The following POGZ variants were observed in gnomAD, a reference collection of about 807,000 sequenced individuals.
POGZ encodes pogo transposable element with ZNF domain.
Under a neutral mutation model 134.6 loss-of-function variants are expected in POGZ, and 17 were observed. That is an observed-to-expected ratio of 0.13 (90% CI 0.09 to 0.19). The LOEUF is 0.19. Ranked by LOEUF, POGZ falls within the 10% of genes least tolerant of loss-of-function variation. POGZ has a pLI of 1.00. For missense variants in POGZ, 1,306 were observed against 1,769.7 expected, an observed-to-expected ratio of 0.74 and a Z score of 4.70; for synonymous variants, 693 against 657.1, an observed-to-expected ratio of 1.05 and a Z score of -0.84.
chr1:151,406,084 G>C lies in POGZ; in HGVS notation c.2951C>G (p.Ala984Gly). The C allele has an allele frequency of 6.2e-7, 1 of 1,614,222 alleles. No individual in the cohort carries two copies. Among genetic ancestry groups the C allele is most frequent in the Non-Finnish European group, 8.5e-7 (1 of 1,180,022 alleles). The change falls in exon 19 of 19, where the codon GCT becomes GGT. Residue 984 changes from alanine (A) to glycine (G), a missense_variant. This residue lies in a region of POGZ where 214 missense variants were observed against 255.5 expected (regional missense o/e 0.84). Coordinates refer to ENST00000271715, the MANE Select transcript of POGZ (RefSeq NM_015100.4). Reference protein sequence around the residue: ...SVKKLRVVLFALCCNTEQAAE... With the variant: ...SVKKLRVVLFGLCCNTEQAAE... Reference sequence around the variant, plus strand: ...TGCCTGTTCTGTATTGCAGCATAGAGCAAACAGTACTACTCGAAGCTTCTT... The same window carrying C: ...TGCCTGTTCTGTATTGCAGCATAGACCAAACAGTACTACTCGAAGCTTCTT...
At position 151,403,124 on chromosome 1, in the gene POGZ, T is replaced by C; in HGVS notation, c.*1678A>G. The C allele has an allele frequency of 5.8e-6, 4 of 695,478 alleles. No homozygotes were observed. The highest frequency in any genetic ancestry group is 7.1e-6 in the Non-Finnish European group (4 of 565,122). 43.1% of individuals were successfully genotyped at this position (695,478 alleles called of 1,614,324 possible). ...ATGGATCCTTGGTTGTTTTCAGATGTCAAAGGTTCACAAAGCTGGCCAAGC... is the reference window on the plus strand; with the variant it reads ...ATGGATCCTTGGTTGTTTTCAGATGCCAAAGGTTCACAAAGCTGGCCAAGC... On this transcript the variant is annotated 3_prime_UTR_variant, in exon 19 of 19. Coordinates refer to ENST00000271715, the MANE Select transcript of POGZ (RefSeq NM_015100.4).
In POGZ at chr1:151,453,245, A is replaced by C. The variant is rs576159491; in HGVS notation, c.-2+5907T>G. The stretch of plus-strand genomic sequence containing the variant: ...TCTTTCTCCCTTTTCGCATGCGTGA[A>C]ATTTTCTTAATAAAAACTGAGGTGG... On this transcript the variant is annotated intron_variant, in intron 1 of 18. Coordinates refer to ENST00000271715, the MANE Select transcript of POGZ (RefSeq NM_015100.4). 1.8e-4 allele frequency among the ~76,000 whole-genome samples: 28 copies of C among 151,896 alleles called. 2 individuals carry two copies. In the Middle Eastern group the frequency reaches 0.02, roughly 111 times the overall value.
chr1:151,404,584 T>C lies in POGZ; in HGVS notation c.*218A>G, dbSNP rs1653234035. 1.6e-6 allele frequency: 2 copies of C among 1,227,732 alleles called. No homozygotes were observed. The highest frequency in any genetic ancestry group is 2.0e-6 in the Non-Finnish European group (2 of 983,782). 76.1% of individuals were successfully genotyped at this position (1,227,732 alleles called of 1,614,324 possible). The stretch of plus-strand genomic sequence containing the variant: ...GTTTTTAGCAGAAGTGAATGACCAA[T>C]GGGCCAGCTCCTTGGCTCAGACGTG... On this transcript the variant is annotated 3_prime_UTR_variant, in exon 19 of 19. Transcript: ENST00000271715.
intron 2 of POGZ, 41 bp downstream of exon 2, chr1:151,442,040 A>C (rs1204513497): frequency 6.9e-7 from 1 of 1,449,034 alleles, no homozygotes; most frequent in African/African-American, 1.4e-5. Context: ...CATTCAATTT[A>C]ATTAATTTAA....
rs886041669 is a variant in POGZ at position 151,408,125 on chromosome 1, G to A, written c.2350C>T (p.Arg784Ter). ...SLCRYSTCCS[R>*]AYANHMINNH... ...TTGATCATGTGGTTGGCATAAGCTC[G>A]AGAACAGCAGGTGCTATAGCGACAC... is the stretch of plus-strand genomic sequence containing the variant. Residue 784 changes from arginine (R) to a stop codon, truncating the protein, a stop_gained, in exon 15 of 19, where the codon CGA (arginine) becomes TGA (stop). Coordinates refer to ENST00000271715, the MANE Select transcript of POGZ (RefSeq NM_015100.4). LOFTEE classifies it high-confidence loss of function. The A allele has an allele frequency of 6.2e-7, 1 of 1,613,242 alleles. No homozygotes were observed.
intron 12 of POGZ, 120 bp from the exon 13 acceptor site, chr1:151,408,948 A>C (rs1654163039): frequency 1.2e-6 from 1 of 865,746 alleles, no homozygotes. Context: ...TTCTGTTGAT[A>C]ATTTAAGAGA....
intron 1 of POGZ, among the ~76,000 whole-genome samples, chr1:151,452,034 T>C (rs973162318): frequency 4.1e-5 from 6 of 145,152 alleles, no homozygotes; most frequent in African/African-American, 1.3e-4. Context: ...GAGGTGGAGG[T>C]TGCAGTGAGC....
chr1:151,443,064 C>T (rs1008080969), intron 1 of POGZ, among the ~76,000 whole-genome samples: 2 of 152,048 alleles, frequency 1.3e-5, no homozygotes, highest in Non-Finnish European at 2.9e-5. Flanking sequence ...ATGTGTAATA[C>T]CCAGGGCCAG....
intron 11 of POGZ, 35 bp downstream of exon 11, chr1:151,412,261 A>G (rs377346705): frequency 8.4e-7 from 1 of 1,189,440 alleles, no homozygotes; most frequent in African/African-American, 1.5e-5. Flanking sequence ...CCTGAGGGCA[A>G]AACTGCTAAA....
intron 1 of POGZ, among the ~76,000 whole-genome samples, chr1:151,450,502 G>A (rs2102412632): frequency 6.6e-6 from 1 of 152,118 alleles, no homozygotes; most frequent in East Asian, 1.9e-4. Context: ...ACAGGCATGT[G>A]CTACCACGCC....
At chr1:151,413,397 G>C (rs1181425991) in intron 10 of POGZ, among the ~76,000 whole-genome samples, 1 of 152,076 alleles carries the variant, frequency 6.6e-6, no homozygotes, top group Non-Finnish European at 1.5e-5. Flanking sequence ...CAAAGTGCTA[G>C]AATTACAGGT....
At chr1:151,440,173 C>G (rs1002451926) in intron 3 of POGZ, among the ~76,000 whole-genome samples, 2 of 150,718 alleles carry the variant, frequency 1.3e-5, no homozygotes, top group African/African-American at 4.9e-5. Context: ...TATGGTTAAA[C>G]ATTTTTTTGT....
chr1:151,452,920 T>C (rs1662309155), intron 1 of POGZ, among the ~76,000 whole-genome samples: 1 of 151,718 alleles, frequency 6.6e-6, no homozygotes, highest in Non-Finnish European at 1.5e-5. Flanking sequence ...CCTTGTAGAA[T>C]TCTTTCACCC....
rs760181550 is a variant in POGZ, at chr1:151,424,137, T to G, written c.1335A>C (p.Ser445=). 2 of 1,614,106 alleles carry G rather than the reference T, an allele frequency of 1.2e-6. No homozygotes were observed. The highest frequency in any genetic ancestry group is 1.7e-6 in the Non-Finnish European group (2 of 1,180,006). Residue 445 remains serine, a synonymous_variant, in exon 9 of 19, where the codon TCA becomes TCC. Transcript: ENST00000271715. Reference sequence around the variant, plus strand: ...TTGGTTCTGGTACTTTGGTAGGCGGTGACAGAGCAGGAATAGGTGTAGAAG... The same window carrying G: ...TTGGTTCTGGTACTTTGGTAGGCGGGGACAGAGCAGGAATAGGTGTAGAAG... ...TPSSTPIPAL[S]PPTKVPEPNE...
intron 12 of POGZ, 131 bp from the exon 13 acceptor site, chr1:151,408,959 G>A (rs1254261173): frequency 1.2e-6 from 1 of 806,780 alleles, no homozygotes; most frequent in Non-Finnish European, 2.0e-6. Flanking sequence ...ATTTAAGAGA[G>A]TAAGAAAGAA....
intron 3 of POGZ, among the ~76,000 whole-genome samples, chr1:151,436,861 T>C (rs1000717843): frequency 6.6e-6 from 1 of 152,196 alleles, no homozygotes; most frequent in Non-Finnish European, 1.5e-5. Context: ...GGTATACAGC[T>C]AGGAGTAGAA....
In POGZ at chr1:151,403,165, C is replaced by A; in HGVS notation, c.*1637G>T. ...CTGGCCAAGCTGTTTCTGGAAGGGA[C>A]TTTTCCAGTTCACTATATTATAGTG... On this transcript the variant is annotated 3_prime_UTR_variant, in exon 19 of 19. Coordinates refer to ENST00000271715, the MANE Select transcript of POGZ (RefSeq NM_015100.4). 1.0e-6 allele frequency: 1 copy of A among 965,106 alleles called. No homozygotes were observed. The highest frequency in any genetic ancestry group is 1.2e-6 in the Non-Finnish European group (1 of 811,154). 59.8% of individuals were successfully genotyped at this position (965,106 alleles called of 1,614,324 possible).
chr1:151,424,413 G>T (rs1657429987), intron 8 of POGZ, 127 bp from the exon 9 acceptor site: 1 of 605,568 alleles, frequency 1.7e-6, no homozygotes, highest in Non-Finnish European at 2.8e-6. Flanking sequence ...TCACCCTTCA[G>T]TTTTTTTTAG....
intron 10 of POGZ, among the ~76,000 whole-genome samples, chr1:151,417,386 G>T (rs555853874): frequency 6.8e-5 from 10 of 146,070 alleles, no homozygotes; most frequent in Non-Finnish European, 1.5e-4. Flanking sequence ...TTGAGACAGC[G>T]TTTCACTCTT....
Sources: gnomAD v4.1 joint callset for allele counts (sites outside exome capture counted in the v4.1 genomes callset) on GRCh38, gnomAD v4.1.1 for gene constraint, gnomAD v4.1.1 regional missense constraint, MANE v1.5 for transcripts, NCBI Gene and HGNC (gene_info 2026-07-23, HGNC 2026-07-21) for gene names.